Variants in TET2 observed in about 807,000 individuals in gnomAD.
The protein encoded by TET2 is tet methylcytosine dioxygenase 2.
Under a neutral mutation model 142.9 loss-of-function variants are expected in TET2, and 299 were observed. The ratio of observed to expected loss-of-function variants is 2.09; its 90% CI spans 1.90 to 2.30. TET2 has a LOEUF of 2.30. Ranked by LOEUF, TET2 falls within the 30% of genes most tolerant of loss-of-function variation. TET2 has a pLI of 0.00. For missense variants in TET2, 2,418 were observed against 2,378.0 expected (o/e 1.02, Z -0.35); for synonymous variants, 819 against 849.0 (o/e 0.96, Z 0.61).
intron 6 of TET2, 128 bp downstream of exon 6, chr4:105,243,906 G>A (rs933440846): frequency 1.7e-5 from 13 of 750,786 alleles, no homozygotes; most frequent in Non-Finnish European, 2.4e-5. Context: ...TGCCTGTTTG[G>A]CAGTCATGCG....
intron 2 of TET2, among the ~76,000 whole-genome samples, chr4:105,200,627 T>TG (rs1491280193): frequency 6.8e-6 from 1 of 146,426 alleles, no homozygotes; most frequent in Non-Finnish European, 1.5e-5. Context: ...CAGGTCACAC[T>TG]GTTTTTTTTT....
At chr4:105,267,912 A>G (rs1259428027) in intron 8 of TET2, among the ~76,000 whole-genome samples, 1 of 152,148 alleles carries the variant, frequency 6.6e-6, no homozygotes, top group African/African-American at 2.4e-5. Flanking sequence ...AATATTCAAC[A>G]TTCATAAAAG....
Position 105,236,404 on chromosome 4 carries a change from A to G in TET2, c.2462A>G (p.Gln821Arg). The G allele has an allele frequency of 6.2e-7, 1 of 1,614,098 alleles. No individual in the cohort carries two copies. The highest frequency in any genetic ancestry group is 2.2e-5 in the East Asian group (1 of 44,862). ...AATCGTAGAAATTCCCCTTATAGTCAGACCATGAAATCAAGTGCATGCAAA... is the reference window on the plus strand; with the variant it reads ...AATCGTAGAAATTCCCCTTATAGTCGGACCATGAAATCAAGTGCATGCAAA... ...NINRRNSPYS[Q>R]TMKSSACKIQ... The change falls in exon 3 of 11, where the codon CAG becomes CGG. Residue 821 changes from glutamine (Q) to arginine (R), a missense_variant. Gln to Arg is a conservative substitution (Grantham distance 43). Transcript: ENST00000380013.
At chr4:105,186,178 C>T (rs1237024727) in intron 1 of TET2, among the ~76,000 whole-genome samples, 2 of 152,056 alleles carry the variant, frequency 1.3e-5, no homozygotes, top group South Asian at 2.1e-4. Flanking sequence ...TGCAGTGAGC[C>T]GAGATCGTGC....
intron 2 of TET2, among the ~76,000 whole-genome samples, chr4:105,223,116 C>G (rs1727949765): frequency 6.6e-6 from 1 of 151,964 alleles, no homozygotes; most frequent in Non-Finnish European, 1.5e-5. Context: ...GCTCAGCAGT[C>G]CTTTTTCAAG....
At chr4:105,239,082 T>TTTTTTTTA (rs1553914882) in intron 3 of TET2, 5 of 68,748 alleles carry the variant, frequency 7.3e-5, no homozygotes, top group Non-Finnish European at 1.2e-4. Context: ...TTGTTTTTTT[T>TTTTTTTTA]TTTTGTTTTT....
chr4:105,215,769 A>G (rs1023145179), intron 2 of TET2, among the ~76,000 whole-genome samples: 1 of 152,160 alleles, frequency 6.6e-6, no homozygotes, highest in Non-Finnish European at 1.5e-5. Context: ...CAAAGAGAAC[A>G]TTGAAACATG....
chr4:105,250,776 TCCA>T (rs994827917), intron 6 of TET2, among the ~76,000 whole-genome samples: 2 of 152,104 alleles, frequency 1.3e-5, no homozygotes, highest in African/African-American at 4.8e-5. Flanking sequence ...CACTGCAACC[TCCA>T]CCTCCGGGTT....
chr4:105,160,905 A>T (rs996341602), intron 1 of TET2, among the ~76,000 whole-genome samples: 2 of 152,248 alleles, frequency 1.3e-5, no homozygotes, highest in African/African-American at 4.8e-5. Context: ...GCTTCGGAGT[A>T]GCTGGGATTA....
At position 105,275,326 on chromosome 4, in the gene TET2, G is replaced by T. The variant is rs763874158; in HGVS notation, c.4816G>T (p.Gly1606Cys). ...CTATTCCACCTCATCTCAAGCTGCA[G>T]GTTCATATTTGAATTCTTCTAATCC... Reference protein sequence around the residue: ...NFYSTSSQAAGSYLNSSNPMN... With the variant: ...NFYSTSSQAACSYLNSSNPMN... The change falls in exon 11 of 11, where the codon GGT becomes TGT. Residue 1606 changes from glycine (G) to cysteine (C), a missense_variant. Coordinates refer to ENST00000380013, the MANE Select transcript of TET2 (RefSeq NM_001127208.3). 1.3e-6 allele frequency: 2 copies of T among 1,551,834 alleles called. No homozygotes were observed. Among genetic ancestry groups the T allele is most frequent in the South Asian group, 2.4e-5 (2 of 84,054 alleles).
intron 1 of TET2, among the ~76,000 whole-genome samples, chr4:105,168,964 C>A (rs1724308037): frequency 1.3e-5 from 2 of 152,182 alleles, no homozygotes; most frequent in African/African-American, 2.4e-5. Context: ...AAATATACCA[C>A]AGTTTCTTTA....
At chr4:105,248,974 A>G (rs1729722436) in intron 6 of TET2, among the ~76,000 whole-genome samples, 1 of 147,438 alleles carries the variant, frequency 6.8e-6, no homozygotes, top group South Asian at 2.1e-4. Context: ...CATTTTATTA[A>G]AAAAAAAAAG....
In TET2 at chr4:105,269,695, T is replaced by TCTGTGC. The variant is rs1297507266; in HGVS notation, c.4131_4136dup (p.Cys1378_Ala1379dup). ...TCAGGGGTCACTGCATGTTTGGACT[T>TCTGTGC]CTGTGCTCATGCCCACAGAGACTTG... On this transcript the variant is annotated inframe_insertion, in exon 9 of 11. Transcript: ENST00000380013. 1 of 1,551,548 alleles carries TCTGTGC rather than the reference T, an allele frequency of 6.4e-7. No homozygotes were observed. The highest frequency in any genetic ancestry group is 8.7e-7 in the Non-Finnish European group (1 of 1,146,966).
At position 105,276,838 on chromosome 4, in the gene TET2, T is replaced by TCCCC. The variant is rs59576487; in HGVS notation, c.*327_*330dup. On this transcript the variant is annotated 3_prime_UTR_variant, in exon 11 of 11. Coordinates refer to ENST00000380013, the MANE Select transcript of TET2 (RefSeq NM_001127208.3). ...TGGACGAGATGATATGTAAATGTGA[T>TCCCC]CCCCCCCCCCCGCTTACAACTCTAC... is the stretch of plus-strand genomic sequence containing the variant. 528 of 155,152 alleles carry TCCCC rather than the reference T, an allele frequency of 3.4e-3. 2 individuals carry two copies. The highest frequency in any genetic ancestry group is 5.8e-3 in the Middle Eastern group (3 of 516). 9.6% of individuals were successfully genotyped at this position (155,152 alleles called of 1,614,324 possible). A position where few individuals can be genotyped will look rare whatever the true frequency, so the allele number is the denominator to read the frequency against.
At chr4:105,195,571 C>T (rs1726037186) in intron 2 of TET2, among the ~76,000 whole-genome samples, 1 of 151,988 alleles carries the variant, frequency 6.6e-6, no homozygotes, top group Non-Finnish European at 1.5e-5. Context: ...TTACATATAC[C>T]CTCCCATATA....
At chr4:105,172,476 A>G (rs1347518175) in intron 1 of TET2, 1 of 152,226 alleles carries the variant, frequency 6.6e-6, no homozygotes, top group East Asian at 1.9e-4. Context: ...CTTCACCTTG[A>G]GTATGCTGAA....
In TET2 at chr4:105,234,937, G is replaced by A. The variant is rs780360453; in HGVS notation, c.995G>A (p.Cys332Tyr). The A allele has an allele frequency of 3.7e-6, 6 of 1,613,982 alleles. No homozygotes were observed. Among genetic ancestry groups the A allele is most frequent in the Non-Finnish European group, 5.1e-6 (6 of 1,179,982 alleles). ...LQQQKSVFEI[C>Y]PSPAENNIQG... ...CAACAAAAATCAGTTTTTGAGATAT[G>A]CCCATCTCCTGCAGAAAATAACATC... Residue 332 changes from cysteine (C) to tyrosine (Y), a missense_variant, in exon 3 of 11, where the codon TGC (cysteine) becomes TAC (tyrosine). By Grantham distance (194) the Cys-to-Tyr change is radical (BLOSUM62 -2). Transcript: ENST00000380013.
intron 2 of TET2, among the ~76,000 whole-genome samples, chr4:105,224,412 T>C (rs545264718): frequency 5.3e-5 from 8 of 152,292 alleles, no homozygotes; most frequent in Non-Finnish European, 8.8e-5. Flanking sequence ...ATAATTATGA[T>C]GGATTAGACT....
chr4:105,242,114 A>G (rs1729337406), intron 4 of TET2: 3 of 1,181,794 alleles, frequency 2.5e-6, no homozygotes, highest in Middle Eastern at 6.8e-4. Flanking sequence ...CAGTATTATT[A>G]TTAAAGTACT....
Sources: allele counts gnomAD v4.1 joint callset (sites outside exome capture counted in the v4.1 genomes callset), GRCh38; gene constraint gnomAD v4.1.1; transcripts MANE v1.5; gene names NCBI Gene and HGNC (gene_info 2026-07-23, HGNC 2026-07-21).